GLDN: variants seen among roughly 807,000 people sequenced by gnomAD.
The protein encoded by GLDN is collomin.
Under a neutral mutation model 56.5 loss-of-function variants are expected in GLDN, and 47 were observed. The observed-to-expected ratio is 0.83, with a 90% confidence interval of 0.66 to 1.06. GLDN has a LOEUF of 1.06. Ranked by LOEUF, GLDN falls within the 50% of genes least tolerant of loss-of-function variation. The probability of loss-of-function intolerance (pLI) is 0.00; values close to 1 mark genes in which losing one functional copy is unlikely to be tolerated. For missense variants in GLDN, 782 were observed against 714.3 expected (o/e 1.09, Z -1.08); for synonymous variants, 332 against 278.8 (o/e 1.19, Z -1.90).
chr15:51,397,597 A>C lies in GLDN; in HGVS notation c.816A>C (p.Pro272=), dbSNP rs1302702966. 1 of 1,589,376 alleles carries C rather than the reference A, an allele frequency of 6.3e-7. No individual in the cohort carries two copies. Among genetic ancestry groups the C allele is most frequent in the Non-Finnish European group, 8.6e-7 (1 of 1,166,458 alleles). The change falls in exon 6 of 10, where the codon CCA becomes CCC. Residue 272 remains proline, a splice_region_variant and synonymous_variant. Coordinates refer to ENST00000335449, the MANE Select transcript of GLDN (RefSeq NM_181789.4). ...RQPSMFNGQC[P]GETCAIPNDD... ...CAAGCATGTTCAACGGCCAGTGCCC[A>C]GGTCACCACCTCTCCCCTACGGGGC...
At chr15:51,403,972 G>C (rs1294660675) in intron 9 of GLDN, among the ~76,000 whole-genome samples, 2 of 152,186 alleles carry the variant, frequency 1.3e-5, no homozygotes, top group Non-Finnish European at 2.9e-5. Context: ...TGAAGTGGGG[G>C]TCACATGGCT....
At chr15:51,395,911 TGAGA>T (rs1282805360) in intron 5 of GLDN, among the ~76,000 whole-genome samples, 1 of 150,670 alleles carries the variant, frequency 6.6e-6, no homozygotes, top group East Asian at 2.0e-4. Context: ...AGAGTAGGAG[TGAGA>T]GAGAGAGAGC....
downstream of GLDN, among the ~76,000 whole-genome samples, chr15:51,410,639 G>C (rs1021909171): frequency 6.6e-6 from 1 of 152,132 alleles, no homozygotes; most frequent in Non-Finnish European, 1.5e-5. Flanking sequence ...CCATCTCAGA[G>C]TTTGCTTCCC....
Position 51,346,881 on chromosome 15 carries a change from C to T in GLDN, c.363+4834C>T, listed in dbSNP as rs34136097. Among the ~76,000 whole-genome samples the T allele has an allele frequency of 2.3e-3, 353 of 152,226 alleles. 2 individuals are homozygous for T. The highest frequency in any genetic ancestry group is 3.7e-3 in the Non-Finnish European group (249 of 68,012). The stretch of plus-strand genomic sequence containing the variant: ...AGGAGTTCAAGACCAGCCTGGCCAA[C>T]ATGGTGAAACCCTGTCTCTACTAAA... On this transcript the variant is annotated intron_variant, in intron 1 of 9. Transcript: ENST00000335449.
At chr15:51,403,204 C>T (rs1280145500) in intron 9 of GLDN, among the ~76,000 whole-genome samples, 1 of 152,172 alleles carries the variant, frequency 6.6e-6, no homozygotes, top group Admixed American at 6.5e-5. Context: ...GAATTCGACC[C>T]TGTAATTGCT....
At chr15:51,375,500 G>C (rs2037610938) in intron 1 of GLDN, among the ~76,000 whole-genome samples, 1 of 152,248 alleles carries the variant, frequency 6.6e-6, no homozygotes, top group Non-Finnish European at 1.5e-5. Flanking sequence ...AGATCTTTCA[G>C]TAGCAGCCTA....
chr15:51,375,844 G>T (rs950525124), intron 1 of GLDN, among the ~76,000 whole-genome samples: 1 of 152,156 alleles, frequency 6.6e-6, no homozygotes, highest in Non-Finnish European at 1.5e-5. Context: ...TGTTCACCCA[G>T]TTAATAGGTG....
rs8034204 is a variant in GLDN, at chr15:51,380,530, T to C, written c.416-2906T>C. 2.7e-3 allele frequency among the ~76,000 whole-genome samples: 414 copies of C among 152,326 alleles called. 1 individual carries two copies. The highest frequency in any genetic ancestry group is 9.7e-3 in the African/African-American group (405 of 41,584). ...AGGCCCCTGGAGAGCCAGGCTGGCA[T>C]TCTGAGAGGACGGAGGACATCCCGC... On this transcript the variant is annotated intron_variant, in intron 2 of 9. Transcript: ENST00000335449.
intron 1 of GLDN, among the ~76,000 whole-genome samples, chr15:51,365,570 G>C (rs1259941132): frequency 6.6e-6 from 1 of 152,034 alleles, no homozygotes; most frequent in Non-Finnish European, 1.5e-5. Context: ...ACAGGTCATC[G>C]AGGTTTGGAG....
intron 4 of GLDN, among the ~76,000 whole-genome samples, chr15:51,388,004 G>C (rs563096097): frequency 3.9e-5 from 6 of 152,250 alleles, no homozygotes; most frequent in African/African-American, 1.2e-4. Flanking sequence ...ACCTTTGCAC[G>C]AGTACTGCTA....
intron 1 of GLDN, among the ~76,000 whole-genome samples, chr15:51,372,055 T>C (rs548960285): frequency 9.9e-5 from 15 of 152,278 alleles, no homozygotes; most frequent in Non-Finnish European, 1.9e-4. Context: ...GTGACAGCCT[T>C]CTTGTTGGTG....
intron 1 of GLDN, among the ~76,000 whole-genome samples, chr15:51,367,974 G>T (rs1252000684): frequency 6.6e-6 from 1 of 152,132 alleles, no homozygotes; most frequent in African/African-American, 2.4e-5. Flanking sequence ...CATCTCCAAG[G>T]TCCTGTTTTC....
rs2037538903 is a variant in GLDN at position 51,372,583 on chromosome 15, T to C, written c.364-4866T>C. 2.0e-5 allele frequency among the ~76,000 whole-genome samples: 3 copies of C among 152,202 alleles called. No homozygotes were observed. The South Asian group carries it at 6.2e-4, about 32-fold the overall frequency. On this transcript the variant is annotated intron_variant, in intron 1 of 9. Coordinates refer to ENST00000335449, the MANE Select transcript of GLDN (RefSeq NM_181789.4). ...ACTAAGTCTGTCCTCCATGCTAGCG[T>C]GGCTGGGTTGGACTTTTTCCTGTGC...
chr15:51,356,205 C>CAA (rs368789885), intron 1 of GLDN, among the ~76,000 whole-genome samples: 2,918 of 119,010 alleles, frequency 0.025, 115 homozygotes, highest in African/African-American at 0.08. Context: ...GACTCTGTCT[C>CAA]AAAAAAAAAA....
chr15:51,404,829 T>C lies in GLDN; in HGVS notation c.*75T>C, dbSNP rs2038341215. On this transcript the variant is annotated 3_prime_UTR_variant, in exon 10 of 10. Transcript: ENST00000335449. The stretch of plus-strand genomic sequence containing the variant: ...AGTTCTCCCCCAACAGGAAACTTGT[T>C]TTTTTAACGTCAGCCAGATATTTAG... 1 of 746,242 alleles carries C rather than the reference T, an allele frequency of 1.3e-6. No individual in the cohort carries two copies. The highest frequency in any genetic ancestry group is 1.7e-5 in the South Asian group (1 of 59,102). 46.2% of individuals were successfully genotyped at this position (746,242 alleles called of 1,614,324 possible). A position where few individuals can be genotyped will look rare whatever the true frequency, so the allele number is the denominator to read the frequency against.
intron 1 of GLDN, among the ~76,000 whole-genome samples, chr15:51,351,367 A>G (rs1269547297): frequency 6.6e-6 from 1 of 152,112 alleles, no homozygotes; most frequent in Non-Finnish European, 1.5e-5. Flanking sequence ...CCCTGCCACT[A>G]TGCCGGGGAA....
intron 4 of GLDN, among the ~76,000 whole-genome samples, chr15:51,392,358 G>C (rs1178388947): frequency 1.3e-5 from 2 of 152,142 alleles, no homozygotes; most frequent in Non-Finnish European, 2.9e-5. Context: ...AGCAGCATTA[G>C]ATTCTCATAG....
At chr15:51,355,521 CTTTCTTT>C (rs1479858045) in intron 1 of GLDN, among the ~76,000 whole-genome samples, 2 of 142,924 alleles carry the variant, frequency 1.4e-5, no homozygotes, top group East Asian at 2.2e-4. Flanking sequence ...CTTTTTCTTT[CTTTCTTT>C]TTTTTTTTTT....
intron 1 of GLDN, among the ~76,000 whole-genome samples, chr15:51,343,007 C>T (rs1282511289): frequency 1.3e-5 from 2 of 152,232 alleles, no homozygotes; most frequent in African/African-American, 4.8e-5. Flanking sequence ...TATTAGATCA[C>T]ATTGCAGTTC....
Sources: allele counts gnomAD v4.1 joint callset (sites outside exome capture counted in the v4.1 genomes callset), GRCh38; gene constraint gnomAD v4.1.1; transcripts MANE v1.5; gene names NCBI Gene and HGNC (gene_info 2026-07-23, HGNC 2026-07-21).